The following CCSER2 variants were observed in gnomAD, a reference collection of about 807,000 sequenced individuals.
The protein encoded by CCSER2 is coiled-coil serine rich protein 2.
In CCSER2, 46 loss-of-function variants were observed where a neutral mutation model predicts 92.3. That is an observed-to-expected ratio of 0.50 (90% CI 0.39 to 0.64). The LOEUF is 0.64. CCSER2 is among the 30% of genes least tolerant of loss of function. CCSER2 has a pLI of 0.00. For missense variants in CCSER2, 1,244 were observed against 1,238.9 expected (o/e 1.00, Z -0.06); for synonymous variants, 433 against 431.4 (o/e 1.00, Z -0.04).
chr10:84,369,010 T>G (rs1845926951), intron 1 of CCSER2, among the ~76,000 whole-genome samples: 3 of 152,192 alleles, frequency 2.0e-5, no homozygotes, highest in African/African-American at 7.2e-5. Context: ...TCAAAAGATA[T>G]TATTTCATTC....
intron 7 of CCSER2, among the ~76,000 whole-genome samples, chr10:84,469,748 A>C (rs1480045857): frequency 1.3e-5 from 2 of 152,144 alleles, no homozygotes. Context: ...ATTTAATAGT[A>C]CTAGGCATTT....
chr10:84,428,692 GA>G (rs1843578723), intron 5 of CCSER2, among the ~76,000 whole-genome samples: 1 of 152,102 alleles, frequency 6.6e-6, no homozygotes, highest in Non-Finnish European at 1.5e-5. Context: ...GATATGGGGG[GA>G]AAATAAATAT....
At chr10:84,432,799 C>T (rs1391680456) in intron 5 of CCSER2, among the ~76,000 whole-genome samples, 1 of 152,152 alleles carries the variant, frequency 6.6e-6, no homozygotes, top group East Asian at 1.9e-4. Flanking sequence ...ATTGCCAAAT[C>T]CAAGGTCACC....
At chr10:84,350,752 C>T (rs1441362851) in intron 1 of CCSER2, among the ~76,000 whole-genome samples, 5 of 152,130 alleles carry the variant, frequency 3.3e-5, no homozygotes, top group Non-Finnish European at 7.3e-5. Context: ...TAGTTCTGCC[C>T]GTTTGTCACA....
chr10:84,438,422 A>G (rs1844318753), intron 5 of CCSER2, 90 bp from the exon 6 acceptor site: 1 of 763,778 alleles, frequency 1.3e-6, no homozygotes. Context: ...AGTGATTTGT[A>G]ATAATCACTG....
At chr10:84,441,692 A>G (rs1844544922) in intron 6 of CCSER2, among the ~76,000 whole-genome samples, 1 of 149,280 alleles carries the variant, frequency 6.7e-6, no homozygotes, top group Non-Finnish European at 1.5e-5. Flanking sequence ...TCCAAAGAAG[A>G]AACCTGATTT....
intron 5 of CCSER2, among the ~76,000 whole-genome samples, chr10:84,434,452 GA>G (rs1176751724): frequency 1.3e-5 from 2 of 151,824 alleles, no homozygotes; most frequent in Admixed American, 6.6e-5. Flanking sequence ...TTTTTCCCCA[GA>G]AAACTTCATG....
At chr10:84,431,719 A>G (rs1178989157) in intron 5 of CCSER2, among the ~76,000 whole-genome samples, 4 of 152,172 alleles carry the variant, frequency 2.6e-5, no homozygotes, top group African/African-American at 9.7e-5. Flanking sequence ...AGCCTGGACA[A>G]CAGAGAGAGA....
chr10:84,466,656 C>T (rs1410332976), intron 7 of CCSER2, among the ~76,000 whole-genome samples: 1 of 151,442 alleles, frequency 6.6e-6, no homozygotes, highest in Non-Finnish European at 1.5e-5. Flanking sequence ...AGGCGCCCGC[C>T]GCCACGCCTG....
At chr10:84,491,595 A>G (rs1196740111) in intron 9 of CCSER2, among the ~76,000 whole-genome samples, 3 of 152,130 alleles carry the variant, frequency 2.0e-5, no homozygotes, top group Admixed American at 6.5e-5. Context: ...GGAAAAGTGC[A>G]GTATTAGAGT....
intron 9 of CCSER2, among the ~76,000 whole-genome samples, chr10:84,495,874 G>A (rs937075700): frequency 1.3e-5 from 2 of 149,872 alleles, no homozygotes; most frequent in African/African-American, 4.9e-5. Flanking sequence ...CATATAGTTA[G>A]GCCATGAATC....
intron 8 of CCSER2, among the ~76,000 whole-genome samples, chr10:84,476,284 ATAT>A (rs1275825151): frequency 2.6e-5 from 4 of 152,098 alleles, no homozygotes; most frequent in African/African-American, 7.2e-5. Flanking sequence ...ATATGGGTAA[ATAT>A]TATTAAAGTA....
At chr10:84,455,629 TGAACTGCC>T in intron 6 of CCSER2, 16 of 628,756 alleles carry the variant, frequency 2.5e-5, no homozygotes, top group Admixed American at 2.0e-4. Flanking sequence ...TGACCTTTTT[TGAACTGCC>T]TTCCACAGAA....
chr10:84,466,671 ATT>A (rs766106050), intron 7 of CCSER2, among the ~76,000 whole-genome samples: 6 of 139,824 alleles, frequency 4.3e-5, no homozygotes, highest in Non-Finnish European at 4.7e-5. Flanking sequence ...CGCCTGGCTA[ATT>A]TTTTTTTTTT....
At chr10:84,369,448 G>T (rs908945106) in intron 1 of CCSER2, among the ~76,000 whole-genome samples, 2 of 151,410 alleles carry the variant, frequency 1.3e-5, no homozygotes, top group East Asian at 1.9e-4. Flanking sequence ...CATGTTTCTT[G>T]GTCATTGTAT....
At chr10:84,445,454 G>T (rs1844856808) in intron 6 of CCSER2, among the ~76,000 whole-genome samples, 1 of 152,154 alleles carries the variant, frequency 6.6e-6, no homozygotes, top group South Asian at 2.1e-4. Context: ...CACCTGGCCG[G>T]TATCTCTTTA....
At chr10:84,469,994 A>G (rs1483284028) in intron 7 of CCSER2, among the ~76,000 whole-genome samples, 9 of 147,356 alleles carry the variant, frequency 6.1e-5, no homozygotes, top group African/African-American at 2.0e-4. Flanking sequence ...GTCTAGCTGA[A>G]GTTGCTTTTT....
intron 6 of CCSER2, among the ~76,000 whole-genome samples, chr10:84,460,366 A>G (rs1243778530): frequency 6.6e-6 from 1 of 151,386 alleles, no homozygotes; most frequent in Non-Finnish European, 1.5e-5. Flanking sequence ...TGGCCTCCCA[A>G]AGTGCTGGGA....
chr10:84,458,811 T>G (rs537845292), intron 6 of CCSER2, among the ~76,000 whole-genome samples: 39 of 152,004 alleles, frequency 2.6e-4, no homozygotes, highest in Admixed American at 7.9e-4. Flanking sequence ...ATATACAGAG[T>G]CTGTGTTTTG....
Sources: allele counts gnomAD v4.1 joint callset (sites outside exome capture counted in the v4.1 genomes callset), GRCh38; gene constraint gnomAD v4.1.1; transcripts MANE v1.5; gene names NCBI Gene and HGNC (gene_info 2026-07-23, HGNC 2026-07-21).